The following GALNT12 variants were observed in gnomAD, a reference collection of about 807,000 sequenced individuals.
GALNT12 encodes UDP-GalNAc:polypeptide N-acetylgalactosaminyltransferase 12.
Under a neutral mutation model 55.5 loss-of-function variants are expected in GALNT12, and 45 were observed. That is an observed-to-expected ratio of 0.81 (90% CI 0.64 to 1.04). The LOEUF (loss-of-function observed/expected upper bound fraction) is 1.04. Ranked by LOEUF, GALNT12 falls within the 50% of genes least tolerant of loss-of-function variation. GALNT12 has a pLI of 0.00. For synonymous variants in GALNT12, 304 were observed against 312.2 expected, an observed-to-expected ratio of 0.97 and a Z score of 0.28; for missense variants, 709 against 754.8, an observed-to-expected ratio of 0.94 and a Z score of 0.71.
intron 2 of GALNT12, among the ~76,000 whole-genome samples, chr9:98,826,089 G>A (rs1257336302): frequency 6.6e-6 from 1 of 152,202 alleles, no homozygotes; most frequent in African/African-American, 2.4e-5. Flanking sequence ...TTGGAGCCGG[G>A]TTCCCCTCAT....
At chr9:98,820,191 A>T (rs1660088635) in intron 1 of GALNT12, among the ~76,000 whole-genome samples, 1 of 152,090 alleles carries the variant, frequency 6.6e-6, no homozygotes, top group Admixed American at 6.5e-5. Flanking sequence ...AGATCATCTC[A>T]TCACCTAGGT....
chr9:98,830,912 G>A (rs1020453658), intron 3 of GALNT12, among the ~76,000 whole-genome samples: 5 of 152,114 alleles, frequency 3.3e-5, no homozygotes, highest in Admixed American at 2.6e-4. Context: ...TGTGTGGCAG[G>A]ACTCTTAGGA....
At chr9:98,836,374 G>A (rs765352334) in intron 5 of GALNT12, among the ~76,000 whole-genome samples, 5 of 152,088 alleles carry the variant, frequency 3.3e-5, no homozygotes, top group Non-Finnish European at 7.3e-5. Flanking sequence ...GCCTTCTACC[G>A]AGGACTCACG....
intron 4 of GALNT12, among the ~76,000 whole-genome samples, chr9:98,832,367 A>C (rs1836019701): frequency 6.6e-6 from 1 of 152,038 alleles, no homozygotes; most frequent in African/African-American, 2.4e-5. Context: ...AAAAAAATAA[A>C]AATTAGCTGA....
At chr9:98,808,201 G>A (rs748165522) in intron 1 of GALNT12, 132 bp downstream of exon 1, 35 of 666,168 alleles carry the variant, frequency 5.3e-5, no homozygotes, top group Non-Finnish European at 8.5e-5. Flanking sequence ...CTCCGAAGAC[G>A]ATAGTGTAAG....
At chr9:98,820,086 CT>C (rs1427371845) in intron 1 of GALNT12, among the ~76,000 whole-genome samples, 8 of 152,218 alleles carry the variant, frequency 5.3e-5, no homozygotes, top group South Asian at 4.1e-4. Context: ...TAGCACTTGT[CT>C]TTTTTTCCCC....
intron 5 of GALNT12, among the ~76,000 whole-genome samples, chr9:98,836,637 A>G (rs1407207538): frequency 6.6e-6 from 1 of 151,700 alleles, no homozygotes. Context: ...TGGCTAGGAG[A>G]TCAGGTAATC....
At chr9:98,825,101 T>G (rs572913362) in intron 2 of GALNT12, among the ~76,000 whole-genome samples, 10 of 152,364 alleles carry the variant, frequency 6.6e-5, no homozygotes, top group African/African-American at 2.2e-4. Flanking sequence ...AGGAGGGTAA[T>G]GTGCTGGGTA....
intron 6 of GALNT12, among the ~76,000 whole-genome samples, chr9:98,837,879 T>G (rs1036711431): frequency 6.6e-6 from 1 of 152,208 alleles, no homozygotes; most frequent in South Asian, 2.1e-4. Flanking sequence ...CAAGTATTGA[T>G]TTGGAGGTTA....
intron 1 of GALNT12, among the ~76,000 whole-genome samples, chr9:98,814,794 A>G (rs1424364245): frequency 1.3e-5 from 2 of 152,172 alleles, no homozygotes; most frequent in Non-Finnish European, 2.9e-5. Flanking sequence ...TGTAGTCCCT[A>G]CCCAGTAGGG....
At chr9:98,812,713 G>T (rs1835520872) in intron 1 of GALNT12, among the ~76,000 whole-genome samples, 1 of 152,128 alleles carries the variant, frequency 6.6e-6, no homozygotes, top group Non-Finnish European at 1.5e-5. Context: ...GTTTTCATTT[G>T]TTATGCTTTT....
At chr9:98,843,680 C>G (rs910463551) in intron 7 of GALNT12, among the ~76,000 whole-genome samples, 1 of 152,166 alleles carries the variant, frequency 6.6e-6, no homozygotes, top group Admixed American at 6.5e-5. Context: ...GTGCTGGGAT[C>G]ACAGGCATGA....
At chr9:98,818,294 C>T (rs1459827035) in intron 1 of GALNT12, among the ~76,000 whole-genome samples, 1 of 151,944 alleles carries the variant, frequency 6.6e-6, no homozygotes, top group Non-Finnish European at 1.5e-5. Context: ...GCTATCTTGG[C>T]TGACTGCAAC....
intron 1 of GALNT12, among the ~76,000 whole-genome samples, chr9:98,817,000 A>AT (rs1025057294): frequency 6.6e-5 from 10 of 151,258 alleles, no homozygotes; most frequent in Non-Finnish European, 2.9e-5. Flanking sequence ...AATTTTTTGT[A>AT]TTTTTTTAGT....
rs1836170211 is a variant in GALNT12, at chr9:98,837,050, T to A, written c.1114T>A (p.Ser372Thr). The change falls in exon 6 of 10, where the codon TCC becomes ACC. Residue 372 changes from serine to threonine, a missense_variant. Ser to Thr is a moderately conservative substitution (Grantham distance 58). This residue lies in a region of GALNT12 where 262 missense variants were observed against 310.7 expected (regional missense o/e 0.84). Transcript: ENST00000375011. Reference sequence around the variant, plus strand: ...TGTTTTCCCCAAGCAAGCTCCCTACTCCCGCAACAAGGCTCTGGCCAACAG... The same window carrying A: ...TGTTTTCCCCAAGCAAGCTCCCTACACCCGCAACAAGGCTCTGGCCAACAG... Reference protein sequence around the residue: ...GHVFPKQAPYSRNKALANSVR... With the variant: ...GHVFPKQAPYTRNKALANSVR... 4 of 1,614,060 alleles carry A rather than the reference T, an allele frequency of 2.5e-6. No homozygotes were observed. The Admixed American group carries it at 6.7e-5, about 27-fold the overall frequency.
rs774649561 is a variant in GALNT12 at position 98,840,112 on chromosome 9, C to T, written c.1323C>T (p.Asp441=). The T allele has an allele frequency of 1.2e-6, 2 of 1,613,936 alleles. No homozygotes were observed. Among genetic ancestry groups the T allele is most frequent in the Non-Finnish European group, 1.7e-6 (2 of 1,179,994 alleles). ...ATCCAGAACTGCATGTGCCTGAGGA[C>T]AGGCCTGGCTTCTTCGGGATGGTGA... ...TVYPELHVPE[D]RPGFFGMLQN... is the part of the protein sequence containing the mutation. Residue 441 remains aspartate, a synonymous_variant, in exon 7 of 10, where the codon GAC becomes GAT. Coordinates refer to ENST00000375011, the MANE Select transcript of GALNT12 (RefSeq NM_024642.5).
intron 5 of GALNT12, among the ~76,000 whole-genome samples, chr9:98,836,706 C>T (rs902915020): frequency 3.3e-5 from 5 of 152,104 alleles, no homozygotes; most frequent in Admixed American, 6.5e-5. Flanking sequence ...GTGGATGCTC[C>T]TGTGAGTCAA....
intron 5 of GALNT12, among the ~76,000 whole-genome samples, chr9:98,835,877 G>A (rs994768873): frequency 3.9e-5 from 6 of 152,024 alleles, no homozygotes. Context: ...CTGGGATTAT[G>A]GGCATGTGCC....
At chr9:98,826,042 G>A (rs981837244) in intron 2 of GALNT12, among the ~76,000 whole-genome samples, 17 of 151,994 alleles carry the variant, frequency 1.1e-4, no homozygotes, top group African/African-American at 3.9e-4. Flanking sequence ...CTCTCACTCC[G>A]GTGGCTGCTC....
Sources: allele counts gnomAD v4.1 joint callset (sites outside exome capture counted in the v4.1 genomes callset), GRCh38; gene constraint gnomAD v4.1.1; regional missense constraint gnomAD v4.1.1; transcripts MANE v1.5; gene names NCBI Gene and HGNC (gene_info 2026-07-23, HGNC 2026-07-21).